The following APOBEC3B variants were observed in gnomAD, a reference collection of about 807,000 sequenced individuals.
The protein encoded by APOBEC3B is DNA dC->dU-editing enzyme APOBEC-3B.
In APOBEC3B, 29 loss-of-function variants were observed where a neutral mutation model predicts 53.4. The ratio of observed to expected loss-of-function variants is 0.54; its 90% CI spans 0.40 to 0.74. The LOEUF (loss-of-function observed/expected upper bound fraction) is 0.74, where lower values mean the gene tolerates loss of function less well. Ranked by LOEUF, APOBEC3B falls within the 30% of genes least tolerant of loss-of-function variation. The pLI is 0.00. For missense variants in APOBEC3B, 347 were observed against 496.2 expected, an observed-to-expected ratio of 0.70 and a Z score of 2.86; for synonymous variants, 132 against 184.8, an observed-to-expected ratio of 0.71 and a Z score of 2.32.
In APOBEC3B at chr22:38,984,304, GA is replaced by G; in HGVS notation, c.174+74del. ...GAGGACTGGAGAGACTGATATGGGTGAGACAGGAGGATTTATTTAGGTGCAC... is the reference window on the plus strand; with the variant it reads ...GAGGACTGGAGAGACTGATATGGGTGGACAGGAGGATTTATTTAGGTGCAC... On this transcript the variant is annotated intron_variant, in intron 2 of 7. Transcript: ENST00000333467. 9 of 1,487,200 alleles carry G rather than the reference GA, an allele frequency of 6.1e-6. 1 individual carries two copies. The highest frequency in any genetic ancestry group is 8.1e-6 in the Non-Finnish European group (9 of 1,110,672). 92.1% of individuals were successfully genotyped at this position (1,487,200 alleles called of 1,614,324 possible).
In APOBEC3B at chr22:38,992,413, AC is replaced by A; in HGVS notation, c.1135-12del. 1 of 1,600,150 alleles carries A rather than the reference AC, an allele frequency of 6.2e-7. No homozygotes were observed. Among genetic ancestry groups the A allele is most frequent in the Non-Finnish European group, 8.5e-7 (1 of 1,172,026 alleles). On this transcript the variant is annotated splice_polypyrimidine_tract_variant and intron_variant, in intron 7 of 7. Transcript: ENST00000333467. ...ACTCTCTCACCTCCTGCTCCATTCA[AC>A]CCCCCTGCTCTTCCAGAATCAGGGA...
intron 6 of APOBEC3B, 117 bp downstream of exon 6, chr22:38,991,743 C>T (rs1924010205): frequency 7.5e-7 from 1 of 1,330,096 alleles, no homozygotes. Flanking sequence ...ACTCTGGGAC[C>T]TGACTTTGGG....
chr22:38,984,895 C>CTTTT (rs11308471), intron 2 of APOBEC3B, among the ~76,000 whole-genome samples: 2 of 84,816 alleles, frequency 2.4e-5, no homozygotes, highest in African/African-American at 4.3e-5. Context: ...TCTTTTTTTC[C>CTTTT]TTTTTTTTTT....
chr22:38,984,750 A>T (rs532559654), intron 2 of APOBEC3B, among the ~76,000 whole-genome samples: 2 of 148,246 alleles, frequency 1.3e-5, no homozygotes, highest in South Asian at 4.5e-4. Flanking sequence ...TAGGCAGAGG[A>T]AAACTTGTTC....
At chr22:38,992,265 G>T (rs1376658621) in intron 7 of APOBEC3B, 116 bp downstream of exon 7, 1 of 1,539,874 alleles carries the variant, frequency 6.5e-7, no homozygotes, top group Non-Finnish European at 8.8e-7. Flanking sequence ...CTCCCCACAG[G>T]GCGCCCAGCT....
intron 5 of APOBEC3B, 74 bp downstream of exon 5, chr22:38,989,684 GT>G: frequency 7.4e-7 from 1 of 1,352,420 alleles, no homozygotes; most frequent in Non-Finnish European, 9.9e-7. Flanking sequence ...AAGGTTCTGG[GT>G]GGTGCCTGTG....
rs1431805995 is a variant in APOBEC3B, at chr22:38,982,741, C to T, written c.17+271C>T. On this transcript the variant is annotated intron_variant, in intron 1 of 7. Transcript: ENST00000333467. ...AAGTCATGCCCGGACTGGTGCTCCC[C>T]GCCCTGGGAGGGTGCTCCCTCTGTG... Among the ~76,000 whole-genome samples the T allele has an allele frequency of 7.4e-5, 11 of 147,980 alleles. 3 individuals carry two copies. The highest frequency in any genetic ancestry group is 1.6e-4 in the Non-Finnish European group (11 of 67,094).
rs775559606 is a variant in APOBEC3B, at chr22:38,989,596, T to G, written c.709T>G (p.Phe237Val). 1 of 1,573,606 alleles carries G rather than the reference T, an allele frequency of 6.4e-7. No homozygotes were observed. The highest frequency in any genetic ancestry group is 1.8e-5 in the Admixed American group (1 of 55,406). Reference protein sequence around the residue: ...TWVLMDQHMGFLCNEAKNLLC... With the variant: ...TWVLMDQHMGVLCNEAKNLLC... ...GGTCCTGATGGACCAGCACATGGGC[T>G]TTCTATGCAACGAGGTGACCGACCC... is the stretch of plus-strand genomic sequence containing the variant. The change falls in exon 5 of 8, where the codon TTT (phenylalanine) becomes GTT (valine). Residue 237 changes from phenylalanine to valine, a missense_variant. Physicochemically the swap from Phe to Val is conservative, Grantham distance 50 (BLOSUM62 -1). Around this residue, in one of 5 missense-constraint regions of APOBEC3B, gnomAD observed 156 missense variants for 166.7 expected, o/e 0.94. Transcript: ENST00000333467.
intron 6 of APOBEC3B, 46 bp from the exon 7 acceptor site, chr22:38,991,988 C>T (rs775326930): frequency 3.3e-6 from 5 of 1,518,504 alleles, no homozygotes; most frequent in South Asian, 2.6e-5. Flanking sequence ...GGTGCTGCCC[C>T]CTCCCCACAA....
chr22:38,984,192 C>T lies in APOBEC3B; in HGVS notation c.135C>T (p.Arg45=). The stretch of plus-strand genomic sequence containing the variant: ...ATGAAGTGAAAATAAAGAGGGGCCG[C>T]TCAAATCTCCTTTGGGACACAGGGG... ...LCYEVKIKRG[R]SNLLWDTGVF... Residue 45 remains arginine (R), a synonymous_variant, in exon 2 of 8, where the codon CGC becomes CGT. Coordinates refer to ENST00000333467, the MANE Select transcript of APOBEC3B (RefSeq NM_004900.5). 1.9e-6 allele frequency: 3 copies of T among 1,592,768 alleles called. 1 individual carries two copies. The highest frequency in any genetic ancestry group is 2.6e-6 in the Non-Finnish European group (3 of 1,172,486).
At chr22:38,988,686 T>TCTTTCTCTCTCTCTTTCC (rs1555894373) in intron 4 of APOBEC3B, among the ~76,000 whole-genome samples, 1 of 45,774 alleles carries the variant, frequency 2.2e-5, no homozygotes, top group African/African-American at 9.0e-5. Flanking sequence ...TCTCTTTCTC[T>TCTTTCTCTCTCTCTTTCC]TTCTTTCTTT....
chr22:38,982,914 G>A (rs1923589770), intron 1 of APOBEC3B, among the ~76,000 whole-genome samples: 1 of 148,714 alleles, frequency 6.7e-6, no homozygotes, highest in Non-Finnish European at 1.5e-5. Flanking sequence ...AGGGTGCGGG[G>A]GTAGGAATGG....
Position 38,992,029 on chromosome 22 carries a change from T to A in APOBEC3B, c.1019-5T>A. ...GCGTGACTTATCTCCCCTGTCCCTT[T>A]TCAGAGTTTGAGTACTGCTGGGACA... is the stretch of plus-strand genomic sequence containing the variant. On this transcript the variant is annotated splice_polypyrimidine_tract_variant and splice_region_variant and intron_variant, in intron 6 of 7. Coordinates refer to ENST00000333467, the MANE Select transcript of APOBEC3B (RefSeq NM_004900.5). 6.3e-7 allele frequency: 1 copy of A among 1,576,018 alleles called. No homozygotes were observed. Among genetic ancestry groups the A allele is most frequent in the Non-Finnish European group, 8.6e-7 (1 of 1,162,978 alleles).
Position 38,986,552 on chromosome 22 carries a change from G to C in APOBEC3B, c.569+140G>C. 2 of 1,031,952 alleles carry C rather than the reference G, an allele frequency of 1.9e-6. 1 individual carries two copies. The highest frequency in any genetic ancestry group is 6.4e-5 in the East Asian group (2 of 31,322). 63.9% of individuals were successfully genotyped at this position (1,031,952 alleles called of 1,614,324 possible). On this transcript the variant is annotated intron_variant, in intron 4 of 7. Transcript: ENST00000333467. ...GTCACACCACCTTCCCTTAACTCCTGGTGCTCCCTCCACACTGCCTCCTCC... is the reference window on the plus strand; with the variant it reads ...GTCACACCACCTTCCCTTAACTCCTCGTGCTCCCTCCACACTGCCTCCTCC...
intron 4 of APOBEC3B, among the ~76,000 whole-genome samples, chr22:38,988,748 C>CTTTCTTTCTTTCTGTCTTTCTTTCTTT (rs1317657637): frequency 1.5e-5 from 1 of 65,900 alleles, no homozygotes; most frequent in Admixed American, 1.9e-4. Flanking sequence ...TTTCTTTCTT[C>CTTTCTTTCTTTCTGTCTTTCTTTCTTT]CTTTCTTCTC....
chr22:38,985,418 G>C (rs902707058), intron 2 of APOBEC3B, among the ~76,000 whole-genome samples: 9 of 148,160 alleles, frequency 6.1e-5, no homozygotes, highest in African/African-American at 2.2e-4. Context: ...GAGTGGCCTG[G>C]GATGTCGAGT....
intron 1 of APOBEC3B, among the ~76,000 whole-genome samples, chr22:38,983,493 G>A (rs1158306316): frequency 1.3e-5 from 2 of 148,514 alleles, no homozygotes; most frequent in Non-Finnish European, 3.0e-5. Flanking sequence ...CCTGGAAAGG[G>A]GCCCCTGCTC....
chr22:38,988,701 CTT>C (rs1282888625), intron 4 of APOBEC3B, among the ~76,000 whole-genome samples: 3 of 119,972 alleles, frequency 2.5e-5, no homozygotes, highest in African/African-American at 1.0e-4. Flanking sequence ...TTCTTTCTTT[CTT>C]TCTTTCTTTC....
rs111777070 is a variant in APOBEC3B at position 38,984,656 on chromosome 22, G to A, written c.174+425G>A. Among the ~76,000 whole-genome samples, 484 of 148,330 alleles carry A rather than the reference G, an allele frequency of 3.3e-3. 34 individuals are homozygous for A. The highest frequency in any genetic ancestry group is 0.011 in the African/African-American group (458 of 40,896). Reference sequence around the variant, plus strand: ...AAATTTTCTTCAACCTTGCCCTGGAGGGGTGTGGGGGTGGTGTCTGGAGCC... The same window carrying A: ...AAATTTTCTTCAACCTTGCCCTGGAAGGGTGTGGGGGTGGTGTCTGGAGCC... On this transcript the variant is annotated intron_variant, in intron 2 of 7. Transcript: ENST00000333467.
Sources: gnomAD v4.1 joint callset for allele counts (sites outside exome capture counted in the v4.1 genomes callset) on GRCh38, gnomAD v4.1.1 for gene constraint, gnomAD v4.1.1 regional missense constraint, MANE v1.5 for transcripts, NCBI Gene and HGNC (gene_info 2026-07-23, HGNC 2026-07-21) for gene names.